P2RY12: variants seen among roughly 807,000 people sequenced by gnomAD.
P2RY12 encodes the protein P2Y purinoceptor 12.
P2RY12 carries 3 observed loss-of-function variants against 4.5 expected under a neutral mutation model. That is an observed-to-expected ratio of 0.67 (90% CI 0.31 to 1.74). The LOEUF (loss-of-function observed/expected upper bound fraction) is 1.74, where lower values mean the gene tolerates loss of function less well. P2RY12 is among the 40% of genes most tolerant of loss of function. P2RY12 has a pLI of 0.09. For missense variants in P2RY12, 356 were observed against 407.8 expected, an observed-to-expected ratio of 0.87 and a Z score of 1.09; for synonymous variants, 148 against 154.1, an observed-to-expected ratio of 0.96 and a Z score of 0.29.
At position 151,338,378 on chromosome 3, in the gene P2RY12, A is replaced by G. The variant is rs146203653; in HGVS notation, c.468T>C (p.Ser156=). Residue 156 remains serine, a synonymous_variant, in exon 3 of 3, where the codon TCT becomes TCC. Coordinates refer to ENST00000302632, the MANE Select transcript of P2RY12 (RefSeq NM_022788.5). ...VVIWAFMFLL[S]LPNMILTNRQ... ...TGTTGGTCAGAATCATGTTAGGCAA[A>G]GAGAGTAAGAACATGAATGCCCAGA... 2.9e-5 allele frequency: 46 copies of G among 1,614,028 alleles called. No individual in the cohort carries two copies. The highest frequency in any genetic ancestry group is 3.9e-5 in the Non-Finnish European group (46 of 1,180,028).
At chr3:151,371,980 G>A (rs1450160880) in intron 1 of P2RY12, among the ~76,000 whole-genome samples, 2 of 152,180 alleles carry the variant, frequency 1.3e-5, no homozygotes, top group Non-Finnish European at 2.9e-5. Flanking sequence ...ATGTTACAGA[G>A]AGGAAGGTAA....
At chr3:151,374,341 A>C in intron 1 of P2RY12, among the ~76,000 whole-genome samples, 1 of 151,892 alleles carries the variant, frequency 6.6e-6, no homozygotes, top group Admixed American at 6.7e-5. Flanking sequence ...TGAGGCCAGG[A>C]GTTTGAGACC....
At chr3:151,380,131 A>G (rs761257347) in intron 1 of P2RY12, 2 of 1,600,706 alleles carry the variant, frequency 1.2e-6, no homozygotes, top group African/African-American at 1.4e-5. Flanking sequence ...TTTTGAGTCA[A>G]CAACCCTTCC....
At chr3:151,344,078 A>G (rs542955712) in intron 1 of P2RY12, among the ~76,000 whole-genome samples, 4 of 152,254 alleles carry the variant, frequency 2.6e-5, no homozygotes, top group South Asian at 4.1e-4. Context: ...AGTCTTGGGC[A>G]TTGAAATATT....
At chr3:151,373,642 C>T (rs1004676666) in intron 1 of P2RY12, among the ~76,000 whole-genome samples, 7 of 152,012 alleles carry the variant, frequency 4.6e-5, no homozygotes, top group African/African-American at 1.7e-4. Flanking sequence ...CCCTCCTCTC[C>T]CCTGTTTATT....
At chr3:151,360,347 A>T in intron 1 of P2RY12, 1 of 782,066 alleles carries the variant, frequency 1.3e-6, no homozygotes, top group Non-Finnish European at 2.1e-6. Flanking sequence ...TATTCTATTT[A>T]TTAGTTTCAA....
intron 1 of P2RY12, chr3:151,350,311 C>T (rs781720392): frequency 9.4e-6 from 10 of 1,059,246 alleles, no homozygotes; most frequent in Non-Finnish European, 1.3e-5. Flanking sequence ...GAGCGTTTCC[C>T]CTCCTGAATG....
chr3:151,375,982 C>T (rs866536234), intron 1 of P2RY12: 5 of 919,068 alleles, frequency 5.4e-6, no homozygotes, highest in Non-Finnish European at 6.0e-6. Flanking sequence ...TATATATATA[C>T]CGAAAGCCAG....
chr3:151,365,611 T>C (rs1046295984), intron 1 of P2RY12, among the ~76,000 whole-genome samples: 5 of 152,340 alleles, frequency 3.3e-5, no homozygotes, highest in Admixed American at 6.5e-5. Flanking sequence ...AAAAATATTC[T>C]AATTCGTGTA....
intron 1 of P2RY12, chr3:151,369,515 C>T (rs762797982): frequency 2.1e-5 from 34 of 1,611,030 alleles, no homozygotes; most frequent in Non-Finnish European, 2.4e-5. Context: ...AAGTGGGAGC[C>T]GTGTTTGCTG....
At chr3:151,339,088 A>G (rs1751441653) in intron 2 of P2RY12, among the ~76,000 whole-genome samples, 1 of 152,194 alleles carries the variant, frequency 6.6e-6, no homozygotes, top group South Asian at 2.1e-4. Flanking sequence ...GTGAAGTTAT[A>G]GATGCTTAGT....
At chr3:151,348,636 G>A (rs1170181276) in intron 1 of P2RY12, among the ~76,000 whole-genome samples, 4 of 151,802 alleles carry the variant, frequency 2.6e-5, no homozygotes, top group Non-Finnish European at 5.9e-5. Flanking sequence ...TGGGGGTGGG[G>A]AATAGATAGA....
At chr3:151,346,357 T>C (rs1399356498) in intron 1 of P2RY12, among the ~76,000 whole-genome samples, 2 of 152,158 alleles carry the variant, frequency 1.3e-5, no homozygotes, top group African/African-American at 4.8e-5. Flanking sequence ...CTTTTGATGA[T>C]CTTCATAACG....
At chr3:151,357,284 A>T (rs150013136) in intron 1 of P2RY12, 87 of 1,613,748 alleles carry the variant, frequency 5.4e-5, no homozygotes, top group Non-Finnish European at 7.2e-5. Flanking sequence ...GAAGTTATAC[A>T]ACAGGACTGT....
intron 1 of P2RY12, chr3:151,384,195 A>C: frequency 6.2e-7 from 1 of 1,607,686 alleles, no homozygotes; most frequent in Non-Finnish European, 8.5e-7. Context: ...GCGTGCATAC[A>C]TGAATTTAGT....
chr3:151,368,798 G>A (rs1177152250), intron 1 of P2RY12, among the ~76,000 whole-genome samples: 1 of 131,744 alleles, frequency 7.6e-6, no homozygotes, highest in Admixed American at 8.0e-5. Flanking sequence ...GTCTTACTGT[G>A]TCACCCAGGC....
chr3:151,355,864 G>C lies in P2RY12; in HGVS notation c.-179-15104C>G, dbSNP rs367890678. ...TAGTAAAAGATTATTTAGAATATTG[G>C]TCTTACAATATTTTTGTTTTTATTT... is the stretch of plus-strand genomic sequence containing the variant. On this transcript the variant is annotated intron_variant, in intron 1 of 2. Transcript: ENST00000302632. 4.3e-5 allele frequency: 67 copies of C among 1,555,636 alleles called. No individual in the cohort carries two copies. The Middle Eastern group carries it at 8.5e-4, about 20-fold the overall frequency.
intron 1 of P2RY12, among the ~76,000 whole-genome samples, chr3:151,364,269 C>T (rs992234595): frequency 2.0e-5 from 3 of 152,166 alleles, no homozygotes; most frequent in Admixed American, 2.0e-4. Context: ...TTCTAGTAGT[C>T]TATATCTGAT....
At chr3:151,369,938 G>C (rs1755975145) in intron 1 of P2RY12, among the ~76,000 whole-genome samples, 1 of 152,076 alleles carries the variant, frequency 6.6e-6, no homozygotes, top group Admixed American at 6.6e-5. Context: ...TATTTCAGGA[G>C]CAGAACACCA....
Sources: allele counts gnomAD v4.1 joint callset (sites outside exome capture counted in the v4.1 genomes callset), GRCh38; gene constraint gnomAD v4.1.1; transcripts MANE v1.5; gene names NCBI Gene and HGNC (gene_info 2026-07-23, HGNC 2026-07-21).